RIMS1: variants seen among roughly 807,000 people sequenced by gnomAD.
The protein encoded by RIMS1 is regulating synaptic membrane exocytosis protein 1.
RIMS1 carries 83 observed loss-of-function variants against 214.1 expected under a neutral mutation model. That is an observed-to-expected ratio of 0.39 (90% CI 0.32 to 0.47). The LOEUF (loss-of-function observed/expected upper bound fraction) is 0.47. Ranked by LOEUF, RIMS1 falls within the 20% of genes least tolerant of loss-of-function variation. The probability of loss-of-function intolerance (pLI) is 0.99; values close to 1 mark genes in which losing one functional copy is unlikely to be tolerated. For missense variants in RIMS1, 2,050 were observed against 2,161.8 expected (o/e 0.95, Z 1.03); for synonymous variants, 793 against 786.8 (o/e 1.01, Z -0.13).
At position 71,979,508 on chromosome 6, in the gene RIMS1, T is replaced by C. The variant is rs182228805; in HGVS notation, c.245+10445T>C. Among the ~76,000 whole-genome samples the C allele has an allele frequency of 3.2e-4, 48 of 152,164 alleles. No homozygotes were observed. In the East Asian group the frequency reaches 8.3e-3, roughly 26 times the overall value. ...TCCATAAAGTAGTATATAAATATTG[T>C]CCATATATTCTACTCAAGTAGCAGT... On this transcript the variant is annotated intron_variant, in intron 2 of 33. Transcript: ENST00000521978.
intron 2 of RIMS1, among the ~76,000 whole-genome samples, chr6:72,008,036 TTGAAA>T (rs1562094972): frequency 6.6e-6 from 1 of 151,954 alleles, no homozygotes; most frequent in Non-Finnish European, 1.5e-5. Flanking sequence ...TTCACCAAAG[TTGAAA>T]TGAAGGAAAA....
At chr6:72,304,611 A>G (rs2094960572) in intron 26 of RIMS1, among the ~76,000 whole-genome samples, 1 of 151,956 alleles carries the variant, frequency 6.6e-6, no homozygotes, top group Admixed American at 6.6e-5. Flanking sequence ...TGAAAAATAA[A>G]CATGGTAAAA....
intron 26 of RIMS1, among the ~76,000 whole-genome samples, chr6:72,304,744 A>G (rs2094977213): frequency 6.6e-6 from 1 of 151,988 alleles, no homozygotes; most frequent in Non-Finnish European, 1.5e-5. Flanking sequence ...ACTAAGGCAC[A>G]TGTCATTGGG....
chr6:72,258,469 A>T (rs1334290391), intron 17 of RIMS1, among the ~76,000 whole-genome samples, 188 bp downstream of exon 17: 1 of 152,152 alleles, frequency 6.6e-6, no homozygotes, highest in African/African-American at 2.4e-5. Context: ...AATCTGAAGA[A>T]ATTTCCCAGG....
intron 1 of RIMS1, among the ~76,000 whole-genome samples, chr6:71,889,347 T>C (rs1324243293): frequency 6.6e-6 from 1 of 152,200 alleles, no homozygotes; most frequent in African/African-American, 2.4e-5. Flanking sequence ...AAATAAAAAT[T>C]AGGAGCACTG....
chr6:72,132,347 C>T (rs117621915), intron 4 of RIMS1, among the ~76,000 whole-genome samples: 10,286 of 152,240 alleles, frequency 0.068, 416 homozygotes, highest in Non-Finnish European at 0.093. Flanking sequence ...AATCCATGTT[C>T]TTCTGCCATG....
At chr6:72,050,367 A>G (rs913709567) in intron 2 of RIMS1, among the ~76,000 whole-genome samples, 4 of 152,168 alleles carry the variant, frequency 2.6e-5, no homozygotes, top group Non-Finnish European at 5.9e-5. Context: ...AGCCTTCTCC[A>G]TCCAATTCTG....
intron 29 of RIMS1, among the ~76,000 whole-genome samples, chr6:72,339,456 C>T (rs1284428846): frequency 6.6e-6 from 1 of 151,778 alleles, no homozygotes; most frequent in Admixed American, 6.6e-5. Flanking sequence ...ACAACAGTCC[C>T]CAGTGTGTGA....
intron 1 of RIMS1, among the ~76,000 whole-genome samples, chr6:71,900,787 A>G (rs1773372973): frequency 6.6e-6 from 1 of 152,148 alleles, no homozygotes. Context: ...AGCAGGTTAA[A>G]GGTCAGGAAC....
At chr6:71,920,021 A>C (rs1296353143) in intron 1 of RIMS1, among the ~76,000 whole-genome samples, 1 of 152,220 alleles carries the variant, frequency 6.6e-6, no homozygotes, top group Non-Finnish European at 1.5e-5. Flanking sequence ...CAATAAAAAC[A>C]CCATAAACAT....
intron 4 of RIMS1, among the ~76,000 whole-genome samples, chr6:72,164,377 C>T (rs576134295): frequency 5.9e-5 from 9 of 152,238 alleles, no homozygotes; most frequent in Non-Finnish European, 7.4e-5. Context: ...GGCTCACACT[C>T]GGTGCACTGC....
At chr6:72,101,750 G>A (rs1414673147) in intron 4 of RIMS1, among the ~76,000 whole-genome samples, 1 of 151,852 alleles carries the variant, frequency 6.6e-6, no homozygotes, top group Non-Finnish European at 1.5e-5. Flanking sequence ...CCTAAGAATA[G>A]CTAATTTATA....
Position 71,975,361 on chromosome 6 carries a change from T to C in RIMS1, c.245+6298T>C, listed in dbSNP as rs116822449. Reference sequence around the variant, plus strand: ...TGTTAGACCTGGGCAGACTGAATGGTTGGTCACCCTAGAACTAATAAAGTT... The same window carrying C: ...TGTTAGACCTGGGCAGACTGAATGGCTGGTCACCCTAGAACTAATAAAGTT... On this transcript the variant is annotated intron_variant, in intron 2 of 33. Transcript: ENST00000521978. Among the ~76,000 whole-genome samples the C allele has an allele frequency of 5.0e-3, 754 of 152,238 alleles. 6 individuals carry two copies. The highest frequency in any genetic ancestry group is 0.017 in the African/African-American group (718 of 41,556).
intron 4 of RIMS1, among the ~76,000 whole-genome samples, chr6:72,151,751 A>C (rs2043623806): frequency 6.6e-6 from 1 of 152,188 alleles, no homozygotes; most frequent in Non-Finnish European, 1.5e-5. Context: ...TACTTTAAGA[A>C]AGGATAGCAT....
intron 2 of RIMS1, among the ~76,000 whole-genome samples, chr6:71,981,576 A>G (rs926443069): frequency 9.2e-5 from 14 of 152,146 alleles, no homozygotes; most frequent in Non-Finnish European, 4.4e-5. Flanking sequence ...TTCATAGAAA[A>G]GATGAAAGTT....
intron 4 of RIMS1, among the ~76,000 whole-genome samples, chr6:72,146,507 T>C (rs1443852384): frequency 1.3e-5 from 2 of 152,240 alleles, no homozygotes; most frequent in Non-Finnish European, 2.9e-5. Context: ...TATAAACCTT[T>C]ACAAATTTTT....
chr6:72,188,117 G>A (rs1352870826), intron 6 of RIMS1, among the ~76,000 whole-genome samples: 1 of 152,188 alleles, frequency 6.6e-6, no homozygotes, highest in Non-Finnish European at 1.5e-5. Context: ...GATTGTTCCT[G>A]TGCAGATTGA....
chr6:72,172,295 T>C (rs548181551), intron 4 of RIMS1, among the ~76,000 whole-genome samples: 96 of 152,224 alleles, frequency 6.3e-4, no homozygotes, highest in African/African-American at 2.2e-3. Context: ...AAAAGATAAA[T>C]GTATAGCTAT....
At chr6:71,990,132 T>C (rs9351883) in intron 2 of RIMS1, among the ~76,000 whole-genome samples, 16,588 of 152,248 alleles carry the variant, frequency 0.11, 1,085 homozygotes, top group Admixed American at 0.18. Context: ...TTATTTTATG[T>C]AGTTATATAT....
Sources: gnomAD v4.1 joint callset for allele counts (sites outside exome capture counted in the v4.1 genomes callset) on GRCh38, gnomAD v4.1.1 for gene constraint, MANE v1.5 for transcripts, NCBI Gene and HGNC (gene_info 2026-07-23, HGNC 2026-07-21) for gene names.